The following ZNF723 variants were observed in gnomAD, a reference collection of about 807,000 sequenced individuals.
ZNF723 encodes the protein zinc finger protein 723, also known as zinc finger protein 723, pseudogene.
In ZNF723, 5 loss-of-function variants were observed where a neutral mutation model predicts 9.4. That is an observed-to-expected ratio of 0.53 (90% CI 0.28 to 1.12). ZNF723 has a LOEUF of 1.12. ZNF723 is among the 50% of genes most tolerant of loss of function. ZNF723 has a pLI of 0.10. For synonymous variants in ZNF723, 158 were observed against 168.8 expected (o/e 0.94, Z 0.49); for missense variants, 450 against 501.5 (o/e 0.90, Z 0.98).
chr19:22,815,483 A>G, the ZNF723 span, among the ~76,000 whole-genome samples: 5 of 152,058 alleles, frequency 3.3e-5, no homozygotes, highest in Non-Finnish European at 7.4e-5. Context: ...GGATTGTACT[A>G]TATCTGTGGC....
intron 3 of ZNF723, among the ~76,000 whole-genome samples, chr19:22,854,998 G>A (rs1967453727): frequency 6.6e-6 from 1 of 151,862 alleles, no homozygotes; most frequent in South Asian, 2.1e-4. Context: ...AGTGAGCTGA[G>A]ATTGTGCCAT....
chr19:22,825,967 T>C, the ZNF723 span, among the ~76,000 whole-genome samples: 4 of 152,252 alleles, frequency 2.6e-5, no homozygotes, highest in Non-Finnish European at 5.9e-5. Flanking sequence ...ACCTGGGTGA[T>C]GTGACTCTCC....
chr19:22,825,871 T>C, the ZNF723 span, among the ~76,000 whole-genome samples: 26 of 152,390 alleles, frequency 1.7e-4, no homozygotes, highest in Admixed American at 3.3e-4. Context: ...GACATGTAAG[T>C]GGACCCAGCA....
intron 1 of ZNF723, among the ~76,000 whole-genome samples, chr19:22,847,166 C>T (rs113848989): frequency 2.1e-4 from 32 of 151,872 alleles, no homozygotes; most frequent in African/African-American, 7.0e-4. Flanking sequence ...ACCTCTGCCT[C>T]CTAGGTTCAA....
chr19:22,831,059 G>A (rs1488778927), upstream of ZNF723, among the ~76,000 whole-genome samples: 4 of 152,186 alleles, frequency 2.6e-5, no homozygotes, highest in Admixed American at 6.5e-5. Flanking sequence ...CACCGTGCCC[G>A]GCCATAGCAA....
At chr19:22,823,553 C>T in the ZNF723 span, among the ~76,000 whole-genome samples, 354 of 152,326 alleles carry the variant, frequency 2.3e-3, no homozygotes, top group African/African-American at 6.9e-3. Flanking sequence ...CTCAGAAGAT[C>T]TTGACTATGA....
At chr19:22,843,779 A>C (rs1476677959) in intron 1 of ZNF723, among the ~76,000 whole-genome samples, 1 of 152,234 alleles carries the variant, frequency 6.6e-6, no homozygotes, top group Non-Finnish European at 1.5e-5. Flanking sequence ...CTAAGAATAC[A>C]TATTTATCTT....
At chr19:22,849,550 AT>A (rs1471929652) in intron 3 of ZNF723, among the ~76,000 whole-genome samples, 5 of 152,196 alleles carry the variant, frequency 3.3e-5, no homozygotes, top group Non-Finnish European at 7.3e-5. Context: ...TTCATGGCAT[AT>A]AAGAGACTGC....
intron 1 of ZNF723, among the ~76,000 whole-genome samples, 158 bp from the exon 2 acceptor site, chr19:22,848,103 A>T (rs1304516983): frequency 1.3e-5 from 1 of 79,944 alleles, no homozygotes; most frequent in African/African-American, 6.9e-5. Context: ...ACTCTGTCTT[A>T]AAAAAAAAAA....
chr19:22,833,711 G>A (rs1967127451), intron 1 of ZNF723, among the ~76,000 whole-genome samples: 1 of 151,744 alleles, frequency 6.6e-6, no homozygotes, highest in African/African-American at 2.4e-5. Flanking sequence ...CCGGGTTCAA[G>A]CGATTCTCCT....
Position 22,858,496 on chromosome 19 carries a change from A to G in ZNF723, c.*63A>G. 1 of 613,062 alleles carries G rather than the reference A, an allele frequency of 1.6e-6. No homozygotes were observed. The highest frequency in any genetic ancestry group is 2.8e-6 in the Non-Finnish European group (1 of 352,554). The allele number at this position is 613,062 out of a possible 1,614,324, so 38.0% of individuals were successfully genotyped here. On this transcript the variant is annotated 3_prime_UTR_variant, in exon 4 of 4. Transcript: ENST00000600766. ...AAAAGAAATGCTGGTGGCCAGGCAC[A>G]GTAGCTTACGCCTGTAATCCCAGCA... is the stretch of plus-strand genomic sequence containing the variant.
intron 1 of ZNF723, 51 bp from the exon 2 acceptor site, chr19:22,848,210 G>A (rs150881515): frequency 4.9e-4 from 320 of 658,192 alleles, no homozygotes; most frequent in African/African-American, 4.5e-3. Flanking sequence ...AAATTCTGCC[G>A]TTGGCCACCC....
At chr19:22,833,018 A>C (rs1214610285) in intron 1 of ZNF723, among the ~76,000 whole-genome samples, 1 of 152,186 alleles carries the variant, frequency 6.6e-6, no homozygotes, top group Non-Finnish European at 1.5e-5. Flanking sequence ...TATTTGGTTA[A>C]GACTGAATTT....
chr19:22,845,040 A>G (rs1599475902), intron 1 of ZNF723, among the ~76,000 whole-genome samples: 1 of 152,024 alleles, frequency 6.6e-6, no homozygotes, highest in Admixed American at 6.6e-5. Flanking sequence ...AATGGCATGA[A>G]CCCGGGAGGC....
intron 3 of ZNF723, among the ~76,000 whole-genome samples, chr19:22,850,271 C>G (rs1381120518): frequency 1.3e-5 from 2 of 149,854 alleles, no homozygotes; most frequent in Non-Finnish European, 3.0e-5. Flanking sequence ...TAATGGCACC[C>G]TCTTGGCTCA....
At chr19:22,834,571 C>T (rs2145205509) in intron 1 of ZNF723, among the ~76,000 whole-genome samples, 1 of 152,216 alleles carries the variant, frequency 6.6e-6, no homozygotes, top group Admixed American at 6.5e-5. Flanking sequence ...GTAATATCCG[C>T]TCCTGGGTCG....
chr19:22,857,516 G>T lies in ZNF723; in HGVS notation c.625G>T (p.Ala209Ser). Residue 209 changes from alanine (A) to serine (S), a missense_variant, in exon 4 of 4, where the codon GCC becomes TCC. Around this residue, in one of 5 missense-constraint regions of ZNF723, gnomAD observed 237 missense variants for 332.2 expected, o/e 0.71. Transcript: ENST00000600766. ...NCYKCEECGK[A>S]FSVPSKLNNH... is the part of the protein sequence containing the mutation. Reference sequence around the variant, plus strand: ...TTACAAATGTGAAGAATGTGGCAAAGCCTTTAGTGTGCCCTCAAAGCTTAA... The same window carrying T: ...TTACAAATGTGAAGAATGTGGCAAATCCTTTAGTGTGCCCTCAAAGCTTAA... The T allele has an allele frequency of 1.6e-6, 2 of 1,222,880 alleles. No homozygotes were observed. The highest frequency in any genetic ancestry group is 2.4e-6 in the Non-Finnish European group (2 of 825,474). The allele number at this position is 1,222,880 out of a possible 1,614,324, so 75.8% of individuals were successfully genotyped here. A position where few individuals can be genotyped will look rare whatever the true frequency, so the allele number is the denominator to read the frequency against.
At chr19:22,837,883 C>T (rs76449443) in intron 1 of ZNF723, among the ~76,000 whole-genome samples, 2,070 of 152,280 alleles carry the variant, frequency 0.014, 45 homozygotes, top group African/African-American at 0.047. Flanking sequence ...ACTGAATCTG[C>T]AGCAGCAACC....
chr19:22,854,468 A>G (rs1380341905), intron 3 of ZNF723, among the ~76,000 whole-genome samples: 2 of 152,128 alleles, frequency 1.3e-5, no homozygotes, highest in Non-Finnish European at 2.9e-5. Context: ...TATTGAAAAT[A>G]TGTCTCTTGA....
Sources: gnomAD v4.1 joint callset for allele counts (sites outside exome capture counted in the v4.1 genomes callset) on GRCh38, gnomAD v4.1.1 for gene constraint, gnomAD v4.1.1 regional missense constraint, MANE v1.5 for transcripts, NCBI Gene and HGNC (gene_info 2026-07-23, HGNC 2026-07-21) for gene names.